Variants in STOX1 observed in about 807,000 individuals in gnomAD.
The protein encoded by STOX1 is storkhead box 1.
In STOX1, 57 loss-of-function variants were observed where a neutral mutation model predicts 74.8. That is an observed-to-expected ratio of 0.76 (90% CI 0.62 to 0.95). The LOEUF (loss-of-function observed/expected upper bound fraction) is 0.95, where lower values mean the gene tolerates loss of function less well. Ranked by LOEUF, STOX1 falls within the 40% of genes least tolerant of loss-of-function variation. The probability of loss-of-function intolerance (pLI) is 0.00; values close to 1 mark genes in which losing one functional copy is unlikely to be tolerated. For synonymous variants in STOX1, 375 were observed against 401.3 expected (o/e 0.93, Z 0.78); for missense variants, 1,010 against 1,117.0 (o/e 0.90, Z 1.37).
chr10:68,889,089 C>T (rs1301231948), intron 3 of STOX1, among the ~76,000 whole-genome samples: 1 of 152,036 alleles, frequency 6.6e-6, no homozygotes, highest in African/African-American at 2.4e-5. Flanking sequence ...CAAGCCATCC[C>T]CCAACCTCAG....
chr10:68,873,641 CTTTTTTTTTCTTTTT>C lies in STOX1; in HGVS notation c.311-8298_311-8284del, dbSNP rs1281007490. Among the ~76,000 whole-genome samples, 394 of 70,288 alleles carry C rather than the reference CTTTTTTTTTCTTTTT, an allele frequency of 5.6e-3. 5 individuals carry two copies. Among genetic ancestry groups the C allele is most frequent in the African/African-American group, 0.02 (377 of 18,926 alleles). The allele number at this position is 70,288 out of a possible 152,430, so 46.1% of individuals were successfully genotyped here. ...GTCCTTTTTTTTTCTTCTTCTTCTTCTTTTTTTTTCTTTTTTTTTTTTTTCTTTTTTTTGAGACGG... is the reference window on the plus strand; with the variant it reads ...GTCCTTTTTTTTTCTTCTTCTTCTTCTTTTTTTTTCTTTTTTTTGAGACGG... On this transcript the variant is annotated intron_variant, in intron 1 of 3. Transcript: ENST00000298596.
intron 1 of STOX1, among the ~76,000 whole-genome samples, chr10:68,839,999 A>G (rs1049131107): frequency 6.6e-6 from 1 of 152,242 alleles, no homozygotes; most frequent in Non-Finnish European, 1.5e-5. Flanking sequence ...ATATACAGCA[A>G]TGGAACAGGA....
chr10:68,836,470 CAT>C (rs1839556815), intron 1 of STOX1, among the ~76,000 whole-genome samples: 1 of 152,210 alleles, frequency 6.6e-6, no homozygotes, highest in Non-Finnish European at 1.5e-5. Context: ...GCTTGCCTGA[CAT>C]ATACTTATGT....
chr10:68,880,164 CTTTTTT>C (rs71028800), intron 1 of STOX1, among the ~76,000 whole-genome samples: 7 of 124,416 alleles, frequency 5.6e-5, no homozygotes, highest in Admixed American at 8.6e-5. Context: ...TCTTTCTTTC[CTTTTTT>C]TTTTTTTTTT....
At chr10:68,874,660 C>CAAAAAAAAAAAAAAA (rs545162403) in intron 1 of STOX1, among the ~76,000 whole-genome samples, 3 of 128,664 alleles carry the variant, frequency 2.3e-5, no homozygotes, top group African/African-American at 9.0e-5. Flanking sequence ...GACTCCGTCT[C>CAAAAAAAAAAAAAAA]AAAAAAAAAA....
chr10:68,835,338 G>A (rs1287848901), intron 1 of STOX1, among the ~76,000 whole-genome samples: 8 of 151,982 alleles, frequency 5.3e-5, no homozygotes, highest in Admixed American at 3.3e-4. Flanking sequence ...CACCGCACCC[G>A]GCTGGCTTTA....
At chr10:68,860,271 G>GC in intron 1 of STOX1, among the ~76,000 whole-genome samples, 1 of 150,860 alleles carries the variant, frequency 6.6e-6, no homozygotes, top group African/African-American at 2.4e-5. Flanking sequence ...CTGTCTCGGT[G>GC]GGGGAAAGAG....
chr10:68,839,963 CAT>C (rs917302712), intron 1 of STOX1, among the ~76,000 whole-genome samples: 15 of 152,206 alleles, frequency 9.9e-5, no homozygotes, highest in East Asian at 5.8e-4. Context: ...GTAATTAAAA[CAT>C]GTGGTACCAG....
Position 68,892,644 on chromosome 10 carries a change from CAG to C in STOX1, c.2880_2881del (p.Asn961PhefsTer17). 2 of 1,613,628 alleles carry C rather than the reference CAG, an allele frequency of 1.2e-6. No individual in the cohort carries two copies. Among genetic ancestry groups the C allele is most frequent in the Non-Finnish European group, 1.7e-6 (2 of 1,179,672 alleles). The part of the protein sequence containing the change: ...SVILDGLKRR[Q>X]NFLQNVEGTK... ...CATTTTGGATGGACTAAAAAGAAGA[CAG>C]AATTTTCTGCAAAATGTCGAAGGCA... On this transcript the variant is annotated frameshift_variant, in exon 4 of 4. Transcript: ENST00000298596. LOFTEE classifies it high-confidence loss of function.
intron 1 of STOX1, among the ~76,000 whole-genome samples, chr10:68,840,940 C>G (rs1839677438): frequency 6.7e-6 from 1 of 149,018 alleles, no homozygotes; most frequent in South Asian, 2.1e-4. Context: ...TGTAAATGTT[C>G]TTGCTTTTTG....
intron 1 of STOX1, among the ~76,000 whole-genome samples, chr10:68,848,202 A>G (rs1589221048): frequency 6.6e-6 from 1 of 152,206 alleles, no homozygotes. Context: ...CACACCTGGA[A>G]AACACATCTG....
chr10:68,895,282 T>C (rs1376397617), downstream of STOX1: 1 of 152,210 alleles, frequency 6.6e-6, no homozygotes, highest in Non-Finnish European at 1.5e-5. Context: ...ATGAAGTCCA[T>C]CTAATTTTGC....
intron 1 of STOX1, among the ~76,000 whole-genome samples, chr10:68,852,533 C>T (rs1270355199): frequency 2.0e-5 from 3 of 152,016 alleles, no homozygotes; most frequent in Admixed American, 2.0e-4. Context: ...GCTGGGATTA[C>T]AGGCATGAGC....
Position 68,886,143 on chromosome 10 carries a change from A to G in STOX1, c.2347A>G (p.Asn783Asp). 6.2e-7 allele frequency: 1 copy of G among 1,614,238 alleles called. No homozygotes were observed. The highest frequency in any genetic ancestry group is 1.7e-5 in the Admixed American group (1 of 60,022). The stretch of plus-strand genomic sequence containing the variant: ...GATTGAGAGATCTCTGACCGAGTAC[A>G]ACAGCACAATGGAGAGGGTTGAGTC... ...KVIERSLTEY[N>D]STMERVESQV... The change falls in exon 3 of 4, where the codon AAC (asparagine) becomes GAC (aspartate). Residue 783 changes from asparagine to aspartate, a missense_variant. Physicochemically the swap from Asn to Asp is conservative, Grantham distance 23. Transcript: ENST00000298596.
chr10:68,880,640 C>T (rs1019816922), intron 1 of STOX1, among the ~76,000 whole-genome samples: 2 of 151,146 alleles, frequency 1.3e-5, no homozygotes, highest in East Asian at 3.9e-4. Context: ...GAGGTATGTG[C>T]TCTTTTGTGG....
Position 68,886,116 on chromosome 10 carries a change from G to C in STOX1, c.2320G>C (p.Val774Leu), listed in dbSNP as rs1285742350. Residue 774 changes from valine to leucine, a missense_variant, in exon 3 of 4, where the codon GTG (valine) becomes CTG (leucine). Transcript: ENST00000298596. ...SQGNHLGKQKVIERSLTEYNS... is the reference protein window; with the variant it reads ...SQGNHLGKQKLIERSLTEYNS... ...GGGAAATCATTTAGGAAAACAAAAA[G>C]TGATTGAGAGATCTCTGACCGAGTA... The C allele has an allele frequency of 6.2e-7, 1 of 1,614,094 alleles. No homozygotes were observed. The highest frequency in any genetic ancestry group is 1.7e-5 in the Admixed American group (1 of 59,992).
At chr10:68,878,070 T>C (rs1290664369) in intron 1 of STOX1, among the ~76,000 whole-genome samples, 5 of 152,186 alleles carry the variant, frequency 3.3e-5, no homozygotes, top group African/African-American at 4.8e-5. Context: ...GCCTTCATTA[T>C]GGAGTATTAC....
intron 1 of STOX1, among the ~76,000 whole-genome samples, chr10:68,852,953 G>A (rs915838710): frequency 4.7e-5 from 7 of 150,238 alleles, no homozygotes; most frequent in Non-Finnish European, 8.9e-5. Flanking sequence ...ACAGAGTTCC[G>A]CTCTTGTCAC....
rs541085180 is a variant in STOX1 at position 68,866,788 on chromosome 10, G to A, written c.311-15170G>A. On this transcript the variant is annotated intron_variant, in intron 1 of 3. Transcript: ENST00000298596. The stretch of plus-strand genomic sequence containing the variant: ...CTACTGCAGCATTACTGGCTGTGGC[G>A]GGGGACAAGCATTGTATAGGGGTGA... Among the ~76,000 whole-genome samples the A allele has an allele frequency of 7.2e-5, 11 of 152,226 alleles. No homozygotes were observed. The East Asian group carries it at 7.7e-4, about 11-fold the overall frequency.
Sources: allele counts gnomAD v4.1 joint callset (sites outside exome capture counted in the v4.1 genomes callset), GRCh38; gene constraint gnomAD v4.1.1; transcripts MANE v1.5; gene names NCBI Gene and HGNC (gene_info 2026-07-23, HGNC 2026-07-21).